ZBTB20: variants seen among roughly 807,000 people sequenced by gnomAD.
ZBTB20 encodes zinc finger and BTB domain-containing protein 20.
ZBTB20 carries 9 observed loss-of-function variants against 56.9 expected under a neutral mutation model. The observed-to-expected ratio is 0.16, with a 90% confidence interval of 0.10 to 0.28. The LOEUF is 0.28. Ranked by LOEUF, ZBTB20 falls within the 10% of genes least tolerant of loss-of-function variation. The pLI, the probability that ZBTB20 is intolerant of heterozygous loss-of-function variation, is 1.00. For synonymous variants in ZBTB20, 417 were observed against 420.7 expected, an observed-to-expected ratio of 0.99 and a Z score of 0.11; for missense variants, 655 against 1,003.0, an observed-to-expected ratio of 0.65 and a Z score of 4.69.
chr3:115,098,349 G>A (rs1249018666), intron 1 of ZBTB20, among the ~76,000 whole-genome samples: 3 of 152,254 alleles, frequency 2.0e-5, no homozygotes, highest in South Asian at 4.1e-4. Flanking sequence ...AATGACAGGT[G>A]CATGAGACAT....
chr3:115,101,884 T>C (rs374457228), intron 1 of ZBTB20, among the ~76,000 whole-genome samples: 2 of 152,114 alleles, frequency 1.3e-5, no homozygotes, highest in Non-Finnish European at 2.9e-5. Context: ...TCAATTCTTT[T>C]GTTTAAAAAA....
chr3:114,846,627 G>C (rs554925669), intron 4 of ZBTB20, among the ~76,000 whole-genome samples: 1 of 152,210 alleles, frequency 6.6e-6, no homozygotes, highest in Non-Finnish European at 1.5e-5. Context: ...TCCAACAGGA[G>C]ACTAGTAGAG....
At chr3:114,525,429 T>C (rs1032027056) in intron 6 of ZBTB20, among the ~76,000 whole-genome samples, 1 of 152,114 alleles carries the variant, frequency 6.6e-6, no homozygotes. Context: ...CAAAACACCA[T>C]GTTCATTTCT....
At chr3:114,420,273 C>A (rs2089017761) in intron 7 of ZBTB20, among the ~76,000 whole-genome samples, 2 of 152,064 alleles carry the variant, frequency 1.3e-5, no homozygotes, top group Admixed American at 1.3e-4. Flanking sequence ...GGAAATACAG[C>A]CAATTTCCTA....
At chr3:114,920,786 T>G (rs2075927075) in intron 3 of ZBTB20, among the ~76,000 whole-genome samples, 1 of 151,598 alleles carries the variant, frequency 6.6e-6, no homozygotes, top group African/African-American at 2.4e-5. Context: ...AGAAAAATAA[T>G]AGAAAAGATC....
At chr3:114,850,088 C>T (rs1403454518) in intron 4 of ZBTB20, among the ~76,000 whole-genome samples, 7 of 151,694 alleles carry the variant, frequency 4.6e-5, no homozygotes, top group Non-Finnish European at 1.0e-4. Context: ...TTAGTAGAGA[C>T]GAGGTTTCAC....
intron 4 of ZBTB20, among the ~76,000 whole-genome samples, chr3:114,837,703 T>G (rs1281980544): frequency 2.6e-5 from 4 of 152,052 alleles, no homozygotes; most frequent in Non-Finnish European, 5.9e-5. Context: ...AAACTTAACC[T>G]TGGAAGTGAC....
chr3:114,999,954 T>C (rs1415403697), intron 2 of ZBTB20, among the ~76,000 whole-genome samples: 1 of 151,732 alleles, frequency 6.6e-6, no homozygotes, highest in Non-Finnish European at 1.5e-5. Flanking sequence ...TCATTGGCCT[T>C]TGTCAATTTA....
At chr3:114,395,829 T>G (rs1460652782) in intron 7 of ZBTB20, among the ~76,000 whole-genome samples, 1 of 152,202 alleles carries the variant, frequency 6.6e-6, no homozygotes, top group Non-Finnish European at 1.5e-5. Flanking sequence ...ATCCCACTGT[T>G]TGTCACATTA....
chr3:114,626,532 T>C (rs933825483), intron 6 of ZBTB20, among the ~76,000 whole-genome samples: 3 of 152,190 alleles, frequency 2.0e-5, no homozygotes, highest in Non-Finnish European at 2.9e-5. Flanking sequence ...GAGGAATCAA[T>C]ATGAAGACTC....
At chr3:114,813,902 T>G (rs979010860) in intron 4 of ZBTB20, among the ~76,000 whole-genome samples, 2 of 152,182 alleles carry the variant, frequency 1.3e-5, no homozygotes, top group Non-Finnish European at 2.9e-5. Context: ...CTTTTAAAAA[T>G]GGGAATACTA....
intron 6 of ZBTB20, among the ~76,000 whole-genome samples, chr3:114,633,701 C>A (rs531022846): frequency 1.2e-4 from 19 of 152,188 alleles, no homozygotes; most frequent in African/African-American, 4.1e-4. Flanking sequence ...CACTGGGCTA[C>A]TTTAGGGATG....
intron 1 of ZBTB20, among the ~76,000 whole-genome samples, chr3:115,143,444 G>A (rs556133180): frequency 6.6e-6 from 1 of 152,220 alleles, no homozygotes; most frequent in African/African-American, 2.4e-5. Context: ...CAGGAGGGCG[G>A]ATCACTTGAG....
intron 2 of ZBTB20, among the ~76,000 whole-genome samples, chr3:115,022,528 T>C (rs904454475): frequency 6.6e-6 from 1 of 151,078 alleles, no homozygotes; most frequent in African/African-American, 2.4e-5. Flanking sequence ...CTTAGAGCCA[T>C]GTTTACCTGA....
At chr3:114,579,735 G>A (rs983743944) in intron 6 of ZBTB20, among the ~76,000 whole-genome samples, 6 of 150,852 alleles carry the variant, frequency 4.0e-5, no homozygotes, top group African/African-American at 9.7e-5. Context: ...AATAAGAGGG[G>A]AACATAAGGA....
At chr3:114,415,582 T>G (rs925660628) in intron 7 of ZBTB20, among the ~76,000 whole-genome samples, 1 of 152,146 alleles carries the variant, frequency 6.6e-6, no homozygotes, top group African/African-American at 2.4e-5. Flanking sequence ...AGTTTTCATA[T>G]AAATCAGATG....
At chr3:115,069,201 G>A (rs1285707681) in intron 2 of ZBTB20, among the ~76,000 whole-genome samples, 1 of 152,140 alleles carries the variant, frequency 6.6e-6, no homozygotes, top group African/African-American at 2.4e-5. Flanking sequence ...TTTAGGAATG[G>A]AAGGCATACA....
chr3:114,477,882 TTTTC>T (rs146876949), intron 7 of ZBTB20, among the ~76,000 whole-genome samples: 2,157 of 147,478 alleles, frequency 0.015, 24 homozygotes, highest in African/African-American at 0.021. Flanking sequence ...TTCCTTCCTT[TTTTC>T]TTTCTTTCTT....
At chr3:114,436,408 C>T (rs971617044) in intron 7 of ZBTB20, among the ~76,000 whole-genome samples, 12 of 152,258 alleles carry the variant, frequency 7.9e-5, no homozygotes, top group African/African-American at 2.6e-4. Flanking sequence ...AAACCTGTGT[C>T]CCATCTGAGC....
Sources: allele counts gnomAD v4.1 joint callset (sites outside exome capture counted in the v4.1 genomes callset), GRCh38; gene constraint gnomAD v4.1.1; transcripts MANE v1.5; gene names NCBI Gene and HGNC (gene_info 2026-07-23, HGNC 2026-07-21).